Variants in FER1L6 observed in about 807,000 individuals in gnomAD.
The protein encoded by FER1L6 is fer-1 like family member 6.
Under a neutral mutation model 219.2 loss-of-function variants are expected in FER1L6, and 177 were observed. That is an observed-to-expected ratio of 0.81 (90% CI 0.71 to 0.91). The LOEUF (loss-of-function observed/expected upper bound fraction) is 0.91, where lower values mean the gene tolerates loss of function less well. Among genes scored for constraint, FER1L6 ranks in the 40% least tolerant of loss-of-function variants. The probability of loss-of-function intolerance (pLI) is 0.00; values close to 1 mark genes in which losing one functional copy is unlikely to be tolerated. For missense variants in FER1L6, 2,153 were observed against 2,259.9 expected (o/e 0.95, Z 0.96); for synonymous variants, 768 against 824.3 (o/e 0.93, Z 1.17).
Position 124,036,971 on chromosome 8 carries a change from T to C in FER1L6, c.2464+1517T>C, listed in dbSNP as rs145818535. On this transcript the variant is annotated intron_variant, in intron 19 of 40. Transcript: ENST00000522917. Reference sequence around the variant, plus strand: ...GAAAAACTAGTGGGTGACATAGAGATGAGTGAGAGGTGATTCTGGCCCTCA... The same window carrying C: ...GAAAAACTAGTGGGTGACATAGAGACGAGTGAGAGGTGATTCTGGCCCTCA... 4.7e-3 allele frequency among the ~76,000 whole-genome samples: 721 copies of C among 152,294 alleles called. 3 individuals are homozygous for C. The highest frequency in any genetic ancestry group is 8.1e-3 in the Non-Finnish European group (553 of 68,028).
At chr8:124,050,218 T>G (rs1302011562) in intron 22 of FER1L6, among the ~76,000 whole-genome samples, 3 of 152,176 alleles carry the variant, frequency 2.0e-5, no homozygotes, top group Non-Finnish European at 2.9e-5. Flanking sequence ...AGGATTAAAG[T>G]GATTGACTGA....
chr8:123,972,333 T>A (rs1431600466), intron 6 of FER1L6, among the ~76,000 whole-genome samples: 1 of 152,264 alleles, frequency 6.6e-6, no homozygotes, highest in African/African-American at 2.4e-5. Flanking sequence ...ATTCGATTAG[T>A]CATTCATTAA....
chr8:124,007,898 G>C (rs1299887039), intron 13 of FER1L6, among the ~76,000 whole-genome samples: 2 of 152,096 alleles, frequency 1.3e-5, no homozygotes, highest in Admixed American at 6.5e-5. Context: ...CATTTCTCTA[G>C]TAATTTCAGC....
intron 11 of FER1L6, 85 bp from the exon 12 acceptor site, chr8:123,985,983 G>A: frequency 1.3e-6 from 1 of 746,500 alleles, no homozygotes; most frequent in East Asian, 2.5e-5. Flanking sequence ...TATAAATTAT[G>A]CTGGATGAGG....
At chr8:124,049,865 C>A in intron 22 of FER1L6, 109 bp downstream of exon 22, 1 of 1,131,068 alleles carries the variant, frequency 8.8e-7, no homozygotes, top group Non-Finnish European at 1.3e-6. Context: ...TCGCTGCAAT[C>A]CCACATCTGA....
Position 124,069,524 on chromosome 8 carries a change from G to GC in FER1L6, c.3834+50dup, listed in dbSNP as rs766722632. 5.6e-5 allele frequency: 76 copies of GC among 1,367,838 alleles called. No individual in the cohort carries two copies. In the East Asian group the frequency reaches 5.7e-4, roughly 10 times the overall value. The allele number at this position is 1,367,838 out of a possible 1,614,324, so 84.7% of individuals were successfully genotyped here. Reference sequence around the variant, plus strand: ...TGCCATGGATGGGGAGGGATGCTCAGCAATGAGGTTCTGTCAGTGCTTTGG... The same window carrying GC: ...TGCCATGGATGGGGAGGGATGCTCAGCCAATGAGGTTCTGTCAGTGCTTTGG... On this transcript the variant is annotated intron_variant, in intron 29 of 40. Coordinates refer to ENST00000522917, the MANE Select transcript of FER1L6 (RefSeq NM_001039112.2).
chr8:124,116,183 T>C (rs916635638), intron 39 of FER1L6, among the ~76,000 whole-genome samples: 13 of 152,250 alleles, frequency 8.5e-5, no homozygotes, highest in African/African-American at 3.1e-4. Context: ...TTAGCAAATA[T>C]CACCAAGCCT....
chr8:123,980,670 G>T lies in FER1L6; in HGVS notation c.1269G>T (p.Lys423Asn). Reference sequence around the variant, plus strand: ...TTTCCAAGGCCCTGAAGGAGCTCAAGTTGCCTTCCAAGGACAAAGACTCCA... The same window carrying T: ...TTTCCAAGGCCCTGAAGGAGCTCAATTTGCCTTCCAAGGACAAAGACTCCA... ...SKFSKALKEL[K>N]LPSKDKDSKS... The change falls in exon 11 of 41, where the codon AAG becomes AAT. Residue 423 changes from lysine to asparagine, a missense_variant. Physicochemically the swap from Lys to Asn is moderately conservative, Grantham distance 94 (BLOSUM62 0). Transcript: ENST00000522917. 6.2e-7 allele frequency: 1 copy of T among 1,614,160 alleles called. No individual in the cohort carries two copies. The highest frequency in any genetic ancestry group is 8.5e-7 in the Non-Finnish European group (1 of 1,180,004).
Position 123,853,605 on chromosome 8 carries a change from G to T in FER1L6, c.-8+1420G>T, listed in dbSNP as rs1816565229. Among the ~76,000 whole-genome samples the T allele has an allele frequency of 6.6e-6, 1 of 152,150 alleles. No individual in the cohort carries two copies. On this transcript the variant is annotated intron_variant, in intron 1 of 40. Transcript: ENST00000522917. The surrounding 1 kb of genome is among the most constrained non-coding windows in gnomAD (Gnocchi z 6.6). ...AATCAGGGGAGATTTTACAAGGGTG[G>T]ATGAGTAGAGAAAAAGGGGTAGGTA...
rs887798996 is a variant in FER1L6, at chr8:124,074,717, G to GAGAA, written c.4093-1479_4093-1476dup. On this transcript the variant is annotated intron_variant, in intron 31 of 40. Transcript: ENST00000522917. ...TCTTTTAACGAAGGGAATACGTTCT[G>GAGAA]AGAAATGTGTTGTTAGGCTGTTTCA... is the stretch of plus-strand genomic sequence containing the variant. 1.4e-4 allele frequency among the ~76,000 whole-genome samples: 22 copies of GAGAA among 151,898 alleles called. 1 individual carries two copies. Among genetic ancestry groups the GAGAA allele is most frequent in the Admixed American group, 2.6e-4 (4 of 15,236 alleles).
intron 18 of FER1L6, among the ~76,000 whole-genome samples, chr8:124,032,615 C>T (rs951872421): frequency 6.6e-6 from 1 of 151,798 alleles, no homozygotes; most frequent in African/African-American, 2.4e-5. Context: ...GTGGTGCCTG[C>T]TCATGGTCCA....
intron 19 of FER1L6, among the ~76,000 whole-genome samples, chr8:124,039,335 CAT>C (rs1027353999): frequency 2.0e-5 from 3 of 152,270 alleles, no homozygotes; most frequent in African/African-American, 7.2e-5. Context: ...TGACTTGAGA[CAT>C]ATATTGTGTT....
At chr8:124,065,793 G>C (rs973468331) in intron 26 of FER1L6, among the ~76,000 whole-genome samples, 8 of 152,202 alleles carry the variant, frequency 5.3e-5, no homozygotes, top group Non-Finnish European at 1.2e-4. Context: ...CATGATGAGT[G>C]CTGCATCCAT....
intron 22 of FER1L6, among the ~76,000 whole-genome samples, chr8:124,053,061 A>T (rs1214223898): frequency 6.6e-6 from 1 of 152,222 alleles, no homozygotes; most frequent in Non-Finnish European, 1.5e-5. Context: ...CACGTGAGAA[A>T]GCTGAGGCTC....
At chr8:123,986,334 A>AT (rs1468962405) in intron 12 of FER1L6, among the ~76,000 whole-genome samples, 158 bp downstream of exon 12, 1 of 152,176 alleles carries the variant, frequency 6.6e-6, no homozygotes, top group East Asian at 1.9e-4. Flanking sequence ...TATTGTCAAT[A>AT]TATAAGGGAT....
rs765650846 is a variant in FER1L6, at chr8:123,980,805, C to T, written c.1404C>T (p.Pro468=). ...TGGAGGTGGAATCGTTCGATGTCCC[C>T]CCGGAGGTAGGTCTAGGCACTGCAT... ...TEVEVESFDV[P]PEIVPEKNEE... Residue 468 remains proline (P), a synonymous_variant, in exon 11 of 41, where the codon CCC becomes CCT. Transcript: ENST00000522917. 6 of 1,612,506 alleles carry T rather than the reference C, an allele frequency of 3.7e-6. No homozygotes were observed. The Admixed American group carries it at 6.7e-5, about 18-fold the overall frequency.
At chr8:124,028,868 T>C (rs548766261) in intron 18 of FER1L6, among the ~76,000 whole-genome samples, 1 of 152,350 alleles carries the variant, frequency 6.6e-6, no homozygotes, top group South Asian at 2.1e-4. Flanking sequence ...TTGCTGCACC[T>C]ATCAACCTGT....
chr8:124,077,952 T>TCA (rs1376754182), intron 32 of FER1L6, among the ~76,000 whole-genome samples: 1 of 152,160 alleles, frequency 6.6e-6, no homozygotes, highest in East Asian at 1.9e-4. Context: ...TGTGAGGGTG[T>TCA]CACAGCCTCC....
At chr8:124,053,938 T>C (rs948831540) in intron 22 of FER1L6, among the ~76,000 whole-genome samples, 4 of 152,178 alleles carry the variant, frequency 2.6e-5, no homozygotes, top group Non-Finnish European at 4.4e-5. Context: ...CCCTCCTCTA[T>C]CCAAGTTAGC....
Sources: gnomAD v4.1 joint callset for allele counts (sites outside exome capture counted in the v4.1 genomes callset) on GRCh38, gnomAD v4.1.1 for gene constraint, Gnocchi (gnomAD v3.1) non-coding constraint, MANE v1.5 for transcripts, NCBI Gene and HGNC (gene_info 2026-07-23, HGNC 2026-07-21) for gene names.